Variants in PHACTR3 observed in about 807,000 individuals in gnomAD.
PHACTR3 encodes the protein protein phosphatase 1, regulatory subunit 123.
PHACTR3 carries 16 observed loss-of-function variants against 66.8 expected under a neutral mutation model. The ratio of observed to expected loss-of-function variants is 0.24; its 90% CI spans 0.16 to 0.36. The LOEUF is 0.36. Ranked by LOEUF, PHACTR3 falls within the 10% of genes least tolerant of loss-of-function variation. The probability of loss-of-function intolerance (pLI) is 1.00; values close to 1 mark genes in which losing one functional copy is unlikely to be tolerated. For missense variants in PHACTR3, 647 were observed against 719.9 expected (o/e 0.90, Z 1.16); for synonymous variants, 323 against 292.1 (o/e 1.11, Z -1.08).
chr20:59,676,701 C>G (rs370629551), intron 1 of PHACTR3: 1 of 985,132 alleles, frequency 1.0e-6, no homozygotes, highest in Non-Finnish European at 1.2e-6. Context: ...CAGAAGCCCG[C>G]GGGGAGAGCA....
chr20:59,675,936 A>ACCTGGG (rs2080241339), intron 1 of PHACTR3, among the ~76,000 whole-genome samples: 2 of 152,204 alleles, frequency 1.3e-5, no homozygotes, highest in Non-Finnish European at 2.9e-5. Context: ...TCTGTCTGCC[A>ACCTGGG]CCTGGGCCTG....
chr20:59,624,632 C>T (rs1460792257), intron 1 of PHACTR3, among the ~76,000 whole-genome samples: 1 of 152,100 alleles, frequency 6.6e-6, no homozygotes, highest in South Asian at 2.1e-4. Flanking sequence ...CACCTCAGTC[C>T]CTACCGGAGT....
intron 1 of PHACTR3, among the ~76,000 whole-genome samples, chr20:59,718,162 C>A (rs1452182902): frequency 6.6e-6 from 1 of 152,228 alleles, no homozygotes; most frequent in Non-Finnish European, 1.5e-5. Context: ...AGGCCTGAGT[C>A]CTGGGCAGCT....
chr20:59,767,878 C>T (rs1309430178), intron 5 of PHACTR3, among the ~76,000 whole-genome samples: 1 of 152,080 alleles, frequency 6.6e-6, no homozygotes, highest in Non-Finnish European at 1.5e-5. Flanking sequence ...CTGTTCTGTT[C>T]CATTCCATTC....
chr20:59,617,227 A>C (rs367890020), intron 1 of PHACTR3, among the ~76,000 whole-genome samples: 1 of 152,168 alleles, frequency 6.6e-6, no homozygotes, highest in Non-Finnish European at 1.5e-5. Flanking sequence ...ACCCCTCCTC[A>C]TACCTATTCC....
In PHACTR3 at chr20:59,835,942, C is replaced by T. The variant is rs191671130; in HGVS notation, c.1329-563C>T. 169 of 152,368 alleles carry T rather than the reference C, an allele frequency of 1.1e-3. 1 individual carries two copies. The highest frequency in any genetic ancestry group is 6.2e-4 in the South Asian group (3 of 4,822). 9.4% of individuals were successfully genotyped at this position (152,368 alleles called of 1,614,324 possible). A position where few individuals can be genotyped will look rare whatever the true frequency, so the allele number is the denominator to read the frequency against. On this transcript the variant is annotated intron_variant, in intron 8 of 12. Coordinates refer to ENST00000371015, the MANE Select transcript of PHACTR3 (RefSeq NM_080672.5). Reference sequence around the variant, plus strand: ...GGGAGGCCCCTTAGACGTCTTTAGACACTCCCCCTGTGCTGGGCTGGGCAC... The same window carrying T: ...GGGAGGCCCCTTAGACGTCTTTAGATACTCCCCCTGTGCTGGGCTGGGCAC...
At chr20:59,625,382 G>A (rs2034409482) in intron 1 of PHACTR3, among the ~76,000 whole-genome samples, 1 of 152,068 alleles carries the variant, frequency 6.6e-6, no homozygotes, top group South Asian at 2.1e-4. Flanking sequence ...ACGGCTGCCT[G>A]TGTGGCTGAT....
intron 8 of PHACTR3, among the ~76,000 whole-genome samples, chr20:59,835,507 T>C (rs1033219073): frequency 1.8e-4 from 27 of 152,124 alleles, no homozygotes; most frequent in African/African-American, 6.3e-4. Context: ...TGGGGCAAAA[T>C]ATTATGGCCC....
Position 59,738,680 on chromosome 20 carries a change from C to T in PHACTR3, c.119-4427C>T, listed in dbSNP as rs188263913. Among the ~76,000 whole-genome samples, 37 of 152,244 alleles carry T rather than the reference C, an allele frequency of 2.4e-4. No homozygotes were observed. The highest frequency in any genetic ancestry group is 8.4e-4 in the African/African-American group (35 of 41,552). On this transcript the variant is annotated intron_variant, in intron 1 of 12. Coordinates refer to ENST00000371015, the MANE Select transcript of PHACTR3 (RefSeq NM_080672.5). This position sits in a 1 kb window ranked among gnomAD's most constrained non-coding sequence, Gnocchi z 4.4. ...CCACCTAACTCCTTGATGCTGTGGC[C>T]CTCAGCAGACCCTGATTCCTCCAGA...
At chr20:59,663,232 A>G (rs1184523301) in intron 1 of PHACTR3, among the ~76,000 whole-genome samples, 2 of 152,226 alleles carry the variant, frequency 1.3e-5, no homozygotes, top group African/African-American at 2.4e-5. Context: ...AACGAATGAC[A>G]TCTGCAAAAA....
At position 59,829,004 on chromosome 20, in the gene PHACTR3, G is replaced by T. The variant is rs985038897; in HGVS notation, c.1329-7501G>T. Among the ~76,000 whole-genome samples, 7 of 152,142 alleles carry T rather than the reference G, an allele frequency of 4.6e-5. No homozygotes were observed. Among genetic ancestry groups the T allele is most frequent in the Admixed American group, 2.0e-4 (3 of 15,288 alleles). ...GAACCCAGCAGACTTGGAGCTTCCTGGGGTGTTGGACGTAGGGAGTAAGAG... is the reference window on the plus strand; with the variant it reads ...GAACCCAGCAGACTTGGAGCTTCCTTGGGTGTTGGACGTAGGGAGTAAGAG... On this transcript the variant is annotated intron_variant, in intron 8 of 12. Transcript: ENST00000371015. The surrounding 1 kb of genome is among the most constrained non-coding windows in gnomAD (Gnocchi z 4.2).
intron 1 of PHACTR3, among the ~76,000 whole-genome samples, chr20:59,671,052 A>T (rs1039809983): frequency 1.3e-5 from 2 of 152,192 alleles, no homozygotes; most frequent in Non-Finnish European, 2.9e-5. Context: ...CCCTGGTCCA[A>T]TGGGAGAGAG....
intron 1 of PHACTR3, among the ~76,000 whole-genome samples, chr20:59,693,166 G>A (rs2037171450): frequency 2.0e-5 from 3 of 152,148 alleles, no homozygotes; most frequent in South Asian, 4.1e-4. Flanking sequence ...TCAGGGTTGT[G>A]TGATAATCAA....
intron 1 of PHACTR3, among the ~76,000 whole-genome samples, chr20:59,694,354 C>G (rs2037218633): frequency 1.3e-5 from 2 of 152,016 alleles, no homozygotes; most frequent in Non-Finnish European, 2.9e-5. Context: ...CTTCCCTTCC[C>G]AAACTGTAAG....
intron 1 of PHACTR3, among the ~76,000 whole-genome samples, chr20:59,610,633 C>A (rs1179686274): frequency 6.6e-6 from 1 of 152,258 alleles, no homozygotes; most frequent in Non-Finnish European, 1.5e-5. Flanking sequence ...GCGGGAGCCC[C>A]ATGCAGCTGT....
chr20:59,701,536 T>C (rs2037504423), intron 1 of PHACTR3, among the ~76,000 whole-genome samples: 1 of 152,220 alleles, frequency 6.6e-6, no homozygotes, highest in Non-Finnish European at 1.5e-5. Flanking sequence ...ATAAAGGCAT[T>C]CTATGAACAT....
rs550935161 is a variant in PHACTR3 at position 59,833,881 on chromosome 20, G to A, written c.1329-2624G>A. ...TGCTGGAAAGAGGCAGGCGCTGGAG[G>A]GAAGTTTTATAGGGTTGTGCCAGAG... On this transcript the variant is annotated intron_variant, in intron 8 of 12. Coordinates refer to ENST00000371015, the MANE Select transcript of PHACTR3 (RefSeq NM_080672.5). Among the ~76,000 whole-genome samples, 4 of 152,310 alleles carry A rather than the reference G, an allele frequency of 2.6e-5. No homozygotes were observed. The South Asian group carries it at 6.2e-4, about 24-fold the overall frequency.
chr20:59,743,058 A>T, intron 1 of PHACTR3, 49 bp from the exon 2 acceptor site: 1 of 1,585,130 alleles, frequency 6.3e-7, no homozygotes, highest in South Asian at 1.1e-5. Flanking sequence ...CCCAGGAGTC[A>T]CATAGGTTTG....
intron 11 of PHACTR3, 152 bp downstream of exon 11, chr20:59,841,687 T>A: frequency 1.1e-6 from 1 of 873,300 alleles, no homozygotes; most frequent in Non-Finnish European, 1.6e-6. Context: ...TAATTCAGGG[T>A]CAGATTGAGA....
Sources: gnomAD v4.1 joint callset for allele counts (sites outside exome capture counted in the v4.1 genomes callset) on GRCh38, gnomAD v4.1.1 for gene constraint, Gnocchi (gnomAD v3.1) non-coding constraint, MANE v1.5 for transcripts, NCBI Gene and HGNC (gene_info 2026-07-23, HGNC 2026-07-21) for gene names.